The following EDA variants were observed in gnomAD, a reference collection of about 807,000 sequenced individuals.
The protein encoded by EDA is ectodysplasin A.
A neutral mutation model predicts 23.6 loss-of-function variants in EDA; 2 were observed. The observed-to-expected ratio is 0.08, with a 90% CI of 0.03 to 0.27. The LOEUF (loss-of-function observed/expected upper bound fraction) is 0.27, where lower values mean the gene tolerates loss of function less well. Among genes scored for constraint, EDA ranks in the 10% least tolerant of loss-of-function variants. The probability of loss-of-function intolerance (pLI) is 1.00; values close to 1 mark genes in which losing one functional copy is unlikely to be tolerated. For synonymous variants in EDA, 131 were observed against 132.0 expected (o/e 0.99, Z 0.05); for missense variants, 229 against 324.2 (o/e 0.71, Z 2.26).
At chrX:69,971,043 A>G (rs1239400368) in intron 2 of EDA, among the ~76,000 whole-genome samples, 5 of 112,388 alleles carry the variant, frequency 4.4e-5, no homozygotes, top group African/African-American at 1.6e-4. Flanking sequence ...AAAATGACTC[A>G]GGACACAGTT....
chrX:69,669,270 A>G (rs1220913144), intron 1 of EDA, among the ~76,000 whole-genome samples: 1 of 110,152 alleles, frequency 9.1e-6, no homozygotes, highest in African/African-American at 3.3e-5. Context: ...ATTCACTTAC[A>G]TTCAAGGTTA....
intron 1 of EDA, among the ~76,000 whole-genome samples, chrX:69,880,596 C>T (rs922440626): frequency 3.6e-5 from 4 of 111,539 alleles, no homozygotes; most frequent in Non-Finnish European, 7.5e-5. Context: ...TTGGCATCAT[C>T]GGGTCAGAAA....
At chrX:69,647,892 GTTA>G (rs1239484467) in intron 1 of EDA, among the ~76,000 whole-genome samples, 1 of 111,959 alleles carries the variant, frequency 8.9e-6, no homozygotes, top group Non-Finnish European at 1.9e-5. Flanking sequence ...TGTTGATGTT[GTTA>G]TTGTTGTTGT....
intron 2 of EDA, among the ~76,000 whole-genome samples, chrX:70,013,221 G>A (rs1313298504): frequency 9.0e-6 from 1 of 111,509 alleles, no homozygotes; most frequent in Non-Finnish European, 1.9e-5. Flanking sequence ...AGCTGCAGCG[G>A]TATCGCCCTT....
intron 1 of EDA, among the ~76,000 whole-genome samples, chrX:69,799,102 TC>T (rs982898566): frequency 9.0e-6 from 1 of 111,476 alleles, no homozygotes; most frequent in Admixed American, 9.6e-5. Context: ...GAAAGGATGG[TC>T]TTCAATGAAT....
chrX:70,010,775 CA>C (rs1454954078), intron 2 of EDA, among the ~76,000 whole-genome samples: 53 of 111,535 alleles, frequency 4.8e-4, no homozygotes, highest in Admixed American at 4.2e-3. Flanking sequence ...AGGCAAACGG[CA>C]CGTGTTACAT....
At chrX:69,917,811 G>A (rs934318156) in intron 1 of EDA, among the ~76,000 whole-genome samples, 24 of 110,621 alleles carry the variant, frequency 2.2e-4, no homozygotes, top group Non-Finnish European at 4.2e-4. Flanking sequence ...CATATACCTT[G>A]TGTTTTGCTA....
At chrX:69,664,377 A>G (rs951076319) in intron 1 of EDA, among the ~76,000 whole-genome samples, 1 of 111,671 alleles carries the variant, frequency 9.0e-6, no homozygotes, top group African/African-American at 3.3e-5. Context: ...TCCCCTGCAC[A>G]TGCCCTCTCT....
chrX:69,862,982 C>A (rs773687631), intron 1 of EDA, among the ~76,000 whole-genome samples: 222 of 108,592 alleles, frequency 2.0e-3, no homozygotes, highest in African/African-American at 6.9e-3. Context: ...CAGATCCCCT[C>A]ACTCTAACAC....
intron 1 of EDA, among the ~76,000 whole-genome samples, chrX:69,753,273 T>G (rs1772252221): frequency 8.9e-6 from 1 of 112,142 alleles, no homozygotes; most frequent in Admixed American, 9.4e-5. Context: ...TCTGGTATGT[T>G]GTGTCTTTGT....
chrX:69,622,572 T>C (rs764708107), intron 1 of EDA, among the ~76,000 whole-genome samples: 53 of 112,576 alleles, frequency 4.7e-4, no homozygotes, highest in African/African-American at 1.5e-3. Flanking sequence ...TTCTTATAGA[T>C]TTGTAGGAAT....
Position 70,035,717 on chromosome X carries a change from G to T in EDA, c.*108G>T, listed in dbSNP as rs377375090. On this transcript the variant is annotated 3_prime_UTR_variant, in exon 8 of 8. Coordinates refer to ENST00000374552, the MANE Select transcript of EDA (RefSeq NM_001399.5). ...AGTGAGGTGTATTGGTGTTGCAGCC[G>T]CAGAGAAATGCCCCAGTGTTATTTA... 2.1e-6 allele frequency: 2 copies of T among 952,612 alleles called. No homozygotes were observed. The highest frequency in any genetic ancestry group is 2.9e-6 in the Non-Finnish European group (2 of 680,844). 78.5% of individuals were successfully genotyped at this position (952,612 alleles called of 1,213,427 possible). A position where few individuals can be genotyped will look rare whatever the true frequency, so the allele number is the denominator to read the frequency against.
At chrX:69,809,799 T>C (rs2015900826) in intron 1 of EDA, among the ~76,000 whole-genome samples, 1 of 111,526 alleles carries the variant, frequency 9.0e-6, no homozygotes, top group Non-Finnish European at 1.9e-5. Context: ...TCTTGGTAGA[T>C]GTTAAAATTA....
chrX:69,973,074 G>C lies in EDA; in HGVS notation c.502+15942G>C, dbSNP rs183334007. On this transcript the variant is annotated intron_variant, in intron 2 of 7. Transcript: ENST00000374552. ...TTAATTATGAACTTGCATGCAGTCT[G>C]GGACAGAAAAACAGAAAACTCCTTA... 5.6e-3 allele frequency among the ~76,000 whole-genome samples: 623 copies of C among 111,695 alleles called. 3 individuals carry two copies. Among genetic ancestry groups the C allele is most frequent in the Middle Eastern group, 0.014 (3 of 214 alleles).
At position 69,978,584 on chromosome X, in the gene EDA, A is replaced by G. The variant is rs560271565; in HGVS notation, c.502+21452A>G. On this transcript the variant is annotated intron_variant, in intron 2 of 7. Coordinates refer to ENST00000374552, the MANE Select transcript of EDA (RefSeq NM_001399.5). ...CACATATCATACACTTCACCCATTT[A>G]TACAATTCAGTGGTTTTTAGAATGT... Among the ~76,000 whole-genome samples the G allele has an allele frequency of 1.5e-4, 17 of 109,926 alleles. No individual in the cohort carries two copies. In the South Asian group the frequency reaches 4.7e-3, roughly 30 times the overall value.
At chrX:70,031,461 C>T (rs755376514) in intron 6 of EDA, among the ~76,000 whole-genome samples, 1 of 111,586 alleles carries the variant, frequency 9.0e-6, no homozygotes, top group African/African-American at 3.3e-5. Context: ...GCCTAAAATG[C>T]GTGAACCCCC....
At chrX:69,905,826 C>A (rs187571600) in intron 1 of EDA, among the ~76,000 whole-genome samples, 10 of 111,346 alleles carry the variant, frequency 9.0e-5, no homozygotes, top group African/African-American at 3.3e-4. Context: ...AGACCATAAG[C>A]TCCATGAGGG....
At chrX:69,683,186 T>C (rs994996977) in intron 1 of EDA, among the ~76,000 whole-genome samples, 19 of 111,541 alleles carry the variant, frequency 1.7e-4, no homozygotes, top group African/African-American at 5.9e-4. Context: ...ATGTCTTGGC[T>C]GTCATTGTTG....
At chrX:69,631,625 CT>C (rs201914976) in intron 1 of EDA, among the ~76,000 whole-genome samples, 12 of 101,052 alleles carry the variant, frequency 1.2e-4, no homozygotes, top group Middle Eastern at 5.1e-3. Flanking sequence ...CTGTTAAAAT[CT>C]TTTTTTTTTC....
Sources: gnomAD v4.1 joint callset for allele counts (sites outside exome capture counted in the v4.1 genomes callset) on GRCh38, gnomAD v4.1.1 for gene constraint, MANE v1.5 for transcripts, NCBI Gene and HGNC (gene_info 2026-07-23, HGNC 2026-07-21) for gene names.